LIPC: variants seen among roughly 807,000 people sequenced by gnomAD.
The protein encoded by LIPC is lipase C, hepatic type.
Under a neutral mutation model 50.7 loss-of-function variants are expected in LIPC, and 44 were observed. That is an observed-to-expected ratio of 0.87 (90% CI 0.68 to 1.11). The LOEUF (loss-of-function observed/expected upper bound fraction) is 1.11. Among genes scored for constraint, LIPC ranks in the 50% most tolerant of loss-of-function variants. The probability of loss-of-function intolerance (pLI) is 0.00; values close to 1 mark genes in which losing one functional copy is unlikely to be tolerated. For missense variants in LIPC, 697 were observed against 648.2 expected, an observed-to-expected ratio of 1.08 and a Z score of -0.82; for synonymous variants, 271 against 256.4, an observed-to-expected ratio of 1.06 and a Z score of -0.54.
intron 1 of LIPC, chr15:58,522,404 TC>T (rs1892684244): frequency 6.6e-6 from 1 of 152,478 alleles, no homozygotes; most frequent in Non-Finnish European, 1.5e-5. Context: ...TGCATTATAT[TC>T]GGGGTAGATG....
intron 1 of LIPC, among the ~76,000 whole-genome samples, chr15:58,479,286 G>C (rs1891107289): frequency 6.6e-6 from 1 of 152,220 alleles, no homozygotes; most frequent in South Asian, 2.1e-4. Flanking sequence ...GTCGAAAACT[G>C]TACAAACAGT....
At chr15:58,505,755 A>C (rs546087652) in intron 1 of LIPC, among the ~76,000 whole-genome samples, 320 of 152,290 alleles carry the variant, frequency 2.1e-3, no homozygotes, top group African/African-American at 6.6e-3. Context: ...TCAAGTTGCT[A>C]AACAACTATC....
At chr15:58,438,588 GGA>G (rs1893393347) in intron 1 of LIPC, among the ~76,000 whole-genome samples, 2 of 152,226 alleles carry the variant, frequency 1.3e-5, no homozygotes, top group African/African-American at 4.8e-5. Flanking sequence ...AGCGGGTGGA[GGA>G]GCCGCGGTAA....
intron 1 of LIPC, chr15:58,494,979 A>G (rs1891717135): frequency 2.3e-6 from 1 of 426,070 alleles, no homozygotes; most frequent in Non-Finnish European, 4.7e-6. Flanking sequence ...CATTGATCCA[A>G]CATCAACCGT....
chr15:58,501,463 T>G (rs1383025331), intron 1 of LIPC, among the ~76,000 whole-genome samples: 1 of 151,956 alleles, frequency 6.6e-6, no homozygotes, highest in African/African-American at 2.4e-5. Flanking sequence ...TGACAAAGAA[T>G]TTAGAAACAT....
chr15:58,545,861 G>A lies in LIPC; in HGVS notation c.694G>A (p.Val232Met), dbSNP rs760729045. The A allele has an allele frequency of 2.4e-5, 38 of 1,613,974 alleles. No individual in the cohort carries two copies. The highest frequency in any genetic ancestry group is 1.3e-4 in the African/African-American group (10 of 74,898). The part of the protein sequence containing the change: ...TFTREHMGLS[V>M]GIKQPIGHYD... ...TACCCGGGAGCACATGGGCCTGAGCGTGGGCATCAAACAGCCCATAGGACA... is the reference window on the plus strand; with the variant it reads ...TACCCGGGAGCACATGGGCCTGAGCATGGGCATCAAACAGCCCATAGGACA... Residue 232 changes from valine (V) to methionine (M), a missense_variant, in exon 5 of 9, where the codon GTG becomes ATG. Transcript: ENST00000299022.
chr15:58,511,207 T>C (rs1193915006), intron 1 of LIPC, among the ~76,000 whole-genome samples: 1 of 152,196 alleles, frequency 6.6e-6, no homozygotes, highest in Non-Finnish European at 1.5e-5. Flanking sequence ...TGTGTAATTC[T>C]GGCATGTTTC....
intron 6 of LIPC, among the ~76,000 whole-genome samples, chr15:58,555,436 T>C (rs1003286589): frequency 3.3e-5 from 5 of 152,050 alleles, no homozygotes; most frequent in African/African-American, 9.7e-5. Flanking sequence ...TGTTGGCCAT[T>C]TGCTTTCAAG....
chr15:58,463,427 C>T, intron 1 of LIPC, among the ~76,000 whole-genome samples: 1 of 152,148 alleles, frequency 6.6e-6, no homozygotes, highest in East Asian at 1.9e-4. Flanking sequence ...TTTTACTCTC[C>T]CACTCCTCTC....
At chr15:58,532,784 C>G (rs1041968532) in intron 1 of LIPC, among the ~76,000 whole-genome samples, 1 of 152,180 alleles carries the variant, frequency 6.6e-6, no homozygotes, top group African/African-American at 2.4e-5. Flanking sequence ...CAATTGCCTG[C>G]AGTCACCCAT....
intron 1 of LIPC, among the ~76,000 whole-genome samples, chr15:58,478,693 T>A (rs1891084653): frequency 1.3e-5 from 2 of 152,232 alleles, no homozygotes; most frequent in South Asian, 2.1e-4. Context: ...AGAGTTGAAC[T>A]CATACCACCT....
intron 1 of LIPC, chr15:58,436,018 A>G (rs545684456): frequency 6.6e-6 from 1 of 152,346 alleles, no homozygotes; most frequent in East Asian, 1.9e-4. Flanking sequence ...TTATGTAGTA[A>G]GTATATGTAA....
intron 1 of LIPC, among the ~76,000 whole-genome samples, chr15:58,519,498 T>A (rs1229926564): frequency 1.3e-5 from 2 of 152,206 alleles, no homozygotes; most frequent in South Asian, 2.1e-4. Flanking sequence ...ATTTCTCTGC[T>A]GCCCCCTCTG....
chr15:58,530,961 G>A (rs41292500), intron 1 of LIPC, among the ~76,000 whole-genome samples: 2,939 of 152,286 alleles, frequency 0.019, 114 homozygotes, highest in African/African-American at 0.068. Flanking sequence ...GAATAAAGCT[G>A]CCATGAACAT....
At chr15:58,492,722 C>A (rs1471407492) in intron 1 of LIPC, among the ~76,000 whole-genome samples, 1 of 152,160 alleles carries the variant, frequency 6.6e-6, no homozygotes, top group Non-Finnish European at 1.5e-5. Flanking sequence ...GCCTGGAATT[C>A]CTCTATTTTT....
intron 1 of LIPC, chr15:58,533,208 G>C (rs1294347712): frequency 1.0e-6 from 1 of 979,396 alleles, no homozygotes; most frequent in African/African-American, 1.8e-5. Flanking sequence ...AGAATGTGCT[G>C]CTTCTAGCTT....
At chr15:58,437,020 T>C (rs1893322460) in intron 1 of LIPC, 6 of 372,144 alleles carry the variant, frequency 1.6e-5, no homozygotes, top group South Asian at 6.2e-5. Flanking sequence ...ACCACTGAAG[T>C]TGGGGACTCC....
chr15:58,525,194 A>C (rs1157064723), intron 1 of LIPC, among the ~76,000 whole-genome samples: 1 of 152,206 alleles, frequency 6.6e-6, no homozygotes, highest in Non-Finnish European at 1.5e-5. Flanking sequence ...CACTTTGAGA[A>C]ATTAGATTTC....
intron 1 of LIPC, among the ~76,000 whole-genome samples, chr15:58,481,665 C>T (rs1222480857): frequency 2.0e-5 from 3 of 152,062 alleles, no homozygotes; most frequent in Non-Finnish European, 4.4e-5. Flanking sequence ...ATTAGCCAGG[C>T]CTGGCACCTG....
Sources: gnomAD v4.1 joint callset for allele counts (sites outside exome capture counted in the v4.1 genomes callset) on GRCh38, gnomAD v4.1.1 for gene constraint, MANE v1.5 for transcripts, NCBI Gene and HGNC (gene_info 2026-07-23, HGNC 2026-07-21) for gene names.